The following TMF1 variants were observed in gnomAD, a reference collection of about 807,000 sequenced individuals.
TMF1 encodes the protein TATA element modulatory factor 1.
Under a neutral mutation model 126.5 loss-of-function variants are expected in TMF1, and 71 were observed. The observed-to-expected ratio is 0.56, with a 90% CI of 0.46 to 0.68. TMF1 has a LOEUF of 0.68. Ranked by LOEUF, TMF1 falls within the 30% of genes least tolerant of loss-of-function variation. TMF1 has a pLI of 0.00. For synonymous variants in TMF1, 461 were observed against 430.5 expected (o/e 1.07, Z -0.88); for missense variants, 1,259 against 1,253.2 (o/e 1.00, Z -0.07).
In TMF1 at chr3:69,025,990, C is replaced by G. The variant is rs2091765099; in HGVS notation, c.2859+6G>C. ...AACTAAGCACATATAAAAAATAAAA[C>G]ATCACCTGAGACAGAAAAGATGTCT... On this transcript the variant is annotated splice_donor_region_variant and intron_variant, in intron 14 of 16. Coordinates refer to ENST00000398559, the MANE Select transcript of TMF1 (RefSeq NM_007114.3). 2 of 1,597,628 alleles carry G rather than the reference C, an allele frequency of 1.3e-6. No homozygotes were observed. The highest frequency in any genetic ancestry group is 2.2e-5 in the South Asian group (2 of 88,942).
chr3:69,021,195 G>C lies in TMF1; in HGVS notation c.*1982C>G, dbSNP rs2091727399. On this transcript the variant is annotated 3_prime_UTR_variant, in exon 17 of 17. Transcript: ENST00000398559. ...TATTTGCAGTTATTGTTTATCTCTT[G>C]CTGTCCCTGATTTATAAATAGAACT... 6.6e-6 allele frequency: 1 copy of C among 152,444 alleles called. No individual in the cohort carries two copies. Among genetic ancestry groups the C allele is most frequent in the South Asian group, 2.1e-4 (1 of 4,822 alleles). The allele number at this position is 152,444 out of a possible 1,614,324, so 9.4% of individuals were successfully genotyped here.
At chr3:69,024,747 A>G (rs370672075) in intron 15 of TMF1, 46 of 151,172 alleles carry the variant, frequency 3.0e-4, no homozygotes, top group African/African-American at 1.1e-3. Flanking sequence ...TGTGTTTAAC[A>G]CTGAAAAGAG....
rs183641280 is a variant in TMF1 at position 69,020,351 on chromosome 3, A to G, written c.*2826T>C. ...ACTGGCAATTCTCAAAAAATAGGTA[A>G]AAGAAATGTAAGAAATGGTAGACTC... On this transcript the variant is annotated 3_prime_UTR_variant, in exon 17 of 17. Coordinates refer to ENST00000398559, the MANE Select transcript of TMF1 (RefSeq NM_007114.3). The G allele has an allele frequency of 6.6e-6, 1 of 152,302 alleles. No homozygotes were observed. Among genetic ancestry groups the G allele is most frequent in the Admixed American group, 6.5e-5 (1 of 15,298 alleles). 9.4% of individuals were successfully genotyped at this position (152,302 alleles called of 1,614,324 possible). A position where few individuals can be genotyped will look rare whatever the true frequency, so the allele number is the denominator to read the frequency against.
intron 12 of TMF1, 77 bp downstream of exon 12, chr3:69,028,149 A>T (rs1201313919): frequency 7.7e-7 from 1 of 1,300,988 alleles, no homozygotes; most frequent in African/African-American, 1.5e-5. Context: ...TCATCTTGTT[A>T]TCTCATTAAT....
chr3:69,050,957 T>A (rs13071583), intron 1 of TMF1, among the ~76,000 whole-genome samples: 47,146 of 152,024 alleles, frequency 0.31, 7,785 homozygotes, highest in East Asian at 0.44. Context: ...CCTGAAAGAT[T>A]AAGCTCAATG....
rs77200446 is a variant in TMF1, at chr3:69,035,342, G to T, written c.2152-227C>A. ...AAGCATTCTGTTAAGGCAAAGAAAC[G>T]CAAACAAATATGTATAAGGCATAGC... On this transcript the variant is annotated intron_variant, in intron 8 of 16. Coordinates refer to ENST00000398559, the MANE Select transcript of TMF1 (RefSeq NM_007114.3). 7.8e-6 allele frequency: 4 copies of T among 512,108 alleles called. No homozygotes were observed. In the South Asian group the frequency reaches 9.4e-5, roughly 12 times the overall value. 31.7% of individuals were successfully genotyped at this position (512,108 alleles called of 1,614,324 possible). A position where few individuals can be genotyped will look rare whatever the true frequency, so the allele number is the denominator to read the frequency against.
At chr3:69,042,467 T>C in intron 5 of TMF1, 3 of 477,588 alleles carry the variant, frequency 6.3e-6, no homozygotes, top group South Asian at 4.7e-5. Flanking sequence ...GGTATTCAGA[T>C]ATTACATAAA....
At chr3:69,025,457 C>T (rs2091762694) in intron 15 of TMF1, 103 bp downstream of exon 15, 15 of 1,185,550 alleles carry the variant, frequency 1.3e-5, no homozygotes, top group Non-Finnish European at 1.5e-5. Flanking sequence ...ACTATGTCAT[C>T]TTGTTTCTCA....
At chr3:69,032,860 C>G (rs1366889744) in intron 10 of TMF1, among the ~76,000 whole-genome samples, 1 of 152,116 alleles carries the variant, frequency 6.6e-6, no homozygotes, top group African/African-American at 2.4e-5. Context: ...ATCCACCCGC[C>G]TAGGCCTCCC....
chr3:69,044,869 T>C (rs572652412), intron 2 of TMF1, among the ~76,000 whole-genome samples: 279 of 152,344 alleles, frequency 1.8e-3, no homozygotes, highest in African/African-American at 6.5e-3. Context: ...CTACATACTC[T>C]TTGATATAGA....
At chr3:69,037,668 T>C (rs765831200) in intron 8 of TMF1, among the ~76,000 whole-genome samples, 5 of 152,084 alleles carry the variant, frequency 3.3e-5, no homozygotes, top group African/African-American at 4.8e-5. Context: ...TAGCCAGGCA[T>C]GGTAGCACCT....
Position 69,048,334 on chromosome 3 carries a change from C to A in TMF1, c.371G>T (p.Arg124Leu). 6.2e-7 allele frequency: 1 copy of A among 1,614,110 alleles called. No individual in the cohort carries two copies. The highest frequency in any genetic ancestry group is 8.5e-7 in the Non-Finnish European group (1 of 1,180,014). ...GCTGCTTTTCACTTCTTCTTCTGGTCGTTGTGATTTTGCTGGAGGTTTTGA... is the reference window on the plus strand; with the variant it reads ...GCTGCTTTTCACTTCTTCTTCTGGTAGTTGTGATTTTGCTGGAGGTTTTGA... ...VVSKPPAKSQ[R>L]PEEEVKSSLH... is the part of the protein sequence containing the mutation. The change falls in exon 2 of 17, where the codon CGA becomes CTA. Residue 124 changes from arginine (R) to leucine (L), a missense_variant. By Grantham distance (102) the Arg-to-Leu change is moderately radical. Transcript: ENST00000398559.
chr3:69,029,433 T>C (rs2091787168), intron 11 of TMF1, among the ~76,000 whole-genome samples: 1 of 136,190 alleles, frequency 7.3e-6, no homozygotes, highest in Non-Finnish European at 1.5e-5. Context: ...ACTTTGTTTA[T>C]TTACTTATTT....
chr3:69,047,628 T>C lies in TMF1; in HGVS notation c.1077A>G (p.Ile359Met). 1.2e-6 allele frequency: 2 copies of C among 1,614,134 alleles called. No individual in the cohort carries two copies. The highest frequency in any genetic ancestry group is 1.1e-5 in the South Asian group (1 of 91,086). ...SGKGYALVPI[I>M]VNSSTPKSKT... Reference sequence around the variant, plus strand: ...TAGACTTTGGAGTTGAAGAATTAACTATAATAGGCACTAAAGCATATCCCT... The same window carrying C: ...TAGACTTTGGAGTTGAAGAATTAACCATAATAGGCACTAAAGCATATCCCT... The change falls in exon 2 of 17, where the codon ATA becomes ATG. Residue 359 changes from isoleucine (I) to methionine (M), a missense_variant. Transcript: ENST00000398559.
Position 69,020,014 on chromosome 3 carries a change from A to G in TMF1, c.*3163T>C, listed in dbSNP as rs2091720840. The G allele has an allele frequency of 2.6e-5, 4 of 152,144 alleles. No individual in the cohort carries two copies. The South Asian group carries it at 8.3e-4, about 31-fold the overall frequency. 9.4% of individuals were successfully genotyped at this position (152,144 alleles called of 1,614,324 possible). A position where few individuals can be genotyped will look rare whatever the true frequency, so the allele number is the denominator to read the frequency against. On this transcript the variant is annotated 3_prime_UTR_variant, in exon 17 of 17. Coordinates refer to ENST00000398559, the MANE Select transcript of TMF1 (RefSeq NM_007114.3). ...ATTGGATTCACTTTAATGAAAATGA[A>G]AAATTTTGATACACTAGAACATAAA...
At chr3:69,042,725 T>C in intron 5 of TMF1, 82 bp downstream of exon 5, 2 of 1,134,626 alleles carry the variant, frequency 1.8e-6, no homozygotes, top group Non-Finnish European at 2.6e-6. Flanking sequence ...TATTTTTAAT[T>C]AGGAAGCATC....
chr3:69,038,582 T>C lies in TMF1; in HGVS notation c.2133A>G (p.Gln711=), dbSNP rs781368004. The C allele has an allele frequency of 6.2e-7, 1 of 1,613,428 alleles. No homozygotes were observed. The highest frequency in any genetic ancestry group is 1.3e-5 in the African/African-American group (1 of 74,880). ...EKAQEEARQQ[Q]ETLAIQVGDL... The stretch of plus-strand genomic sequence containing the variant: ...TGCTTACTTGAATGGCTAATGTTTC[T>C]TGCTGCTGACGGGCTTCTTCTTGGG... The change falls in exon 8 of 17, where the codon CAA becomes CAG. Residue 711 remains glutamine (Q), a synonymous_variant. Coordinates refer to ENST00000398559, the MANE Select transcript of TMF1 (RefSeq NM_007114.3).
intron 10 of TMF1, chr3:69,030,440 T>A (rs2091793005): frequency 6.5e-6 from 1 of 152,842 alleles, no homozygotes; most frequent in Non-Finnish European, 1.5e-5. Flanking sequence ...CAAGGCAGAT[T>A]TGACACAAAA....
Position 69,042,837 on chromosome 3 carries a change from C to T in TMF1, c.1654G>A (p.Asp552Asn). ...TCCATTAACCCTCGGATCTGCTCATCTTTCTCTTTCAAAAGGTCTGCAGTT... is the reference window on the plus strand; with the variant it reads ...TCCATTAACCCTCGGATCTGCTCATTTTTCTCTTTCAAAAGGTCTGCAGTT... ...SETADLLKEKDEQIRGLMEEG... is the reference protein window; with the variant it reads ...SETADLLKEKNEQIRGLMEEG... Residue 552 changes from aspartate to asparagine, a missense_variant, in exon 5 of 17, where the codon GAT (aspartate) becomes AAT (asparagine). Coordinates refer to ENST00000398559, the MANE Select transcript of TMF1 (RefSeq NM_007114.3). 6.2e-7 allele frequency: 1 copy of T among 1,613,720 alleles called. No homozygotes were observed. The highest frequency in any genetic ancestry group is 8.5e-7 in the Non-Finnish European group (1 of 1,179,870).
Sources: gnomAD v4.1 joint callset for allele counts (sites outside exome capture counted in the v4.1 genomes callset) on GRCh38, gnomAD v4.1.1 for gene constraint, MANE v1.5 for transcripts, NCBI Gene and HGNC (gene_info 2026-07-23, HGNC 2026-07-21) for gene names.